Variants in RBMS1 observed in about 807,000 individuals in gnomAD.
RBMS1 encodes RNA binding motif single stranded interacting protein 1.
In RBMS1, 17 loss-of-function variants were observed where a neutral mutation model predicts 62.3. The ratio of observed to expected loss-of-function variants is 0.27; its 90% confidence interval spans 0.19 to 0.41. RBMS1 has a LOEUF of 0.41. Among genes scored for constraint, RBMS1 ranks in the 10% least tolerant of loss-of-function variants. The pLI is 1.00. For missense variants in RBMS1, 334 were observed against 504.5 expected, an observed-to-expected ratio of 0.66 and a Z score of 3.24; for synonymous variants, 172 against 170.0, an observed-to-expected ratio of 1.01 and a Z score of -0.09.
At chr2:160,308,423 A>G (rs1410652086) in intron 4 of RBMS1, among the ~76,000 whole-genome samples, 1 of 151,934 alleles carries the variant, frequency 6.6e-6, no homozygotes, top group African/African-American at 2.4e-5. Context: ...AAAACAAAAC[A>G]AAACAAAAAT....
At chr2:160,300,118 A>G (rs1439871940) in intron 6 of RBMS1, among the ~76,000 whole-genome samples, 1 of 152,222 alleles carries the variant, frequency 6.6e-6, no homozygotes, top group Non-Finnish European at 1.5e-5. Context: ...ATGAATAAAC[A>G]GTGAAAAGAG....
chr2:160,276,444 A>G (rs1014697723), intron 12 of RBMS1, among the ~76,000 whole-genome samples: 5 of 152,118 alleles, frequency 3.3e-5, no homozygotes, highest in Admixed American at 6.5e-5. Flanking sequence ...CCAGAGTCCT[A>G]TGATCCTTTC....
At chr2:160,486,701 AAGAGAT>A (rs1685615704) in intron 1 of RBMS1, among the ~76,000 whole-genome samples, 1 of 152,218 alleles carries the variant, frequency 6.6e-6, no homozygotes, top group South Asian at 2.1e-4. Flanking sequence ...TGACCAGATA[AAGAGAT>A]ATCCACTAAA....
chr2:160,448,751 G>A (rs1308033938), intron 1 of RBMS1, among the ~76,000 whole-genome samples: 5 of 152,054 alleles, frequency 3.3e-5, no homozygotes, highest in Non-Finnish European at 5.9e-5. Context: ...CTGCCTGGCC[G>A]CCCATCGTCT....
intron 2 of RBMS1, among the ~76,000 whole-genome samples, chr2:160,364,334 G>A (rs140647049): frequency 5.8e-4 from 88 of 152,292 alleles, no homozygotes; most frequent in Non-Finnish European, 9.8e-4. Flanking sequence ...AAGATTCCTC[G>A]TACGTGTTTC....
intron 1 of RBMS1, among the ~76,000 whole-genome samples, chr2:160,439,947 C>G (rs918337314): frequency 6.6e-6 from 1 of 151,864 alleles, no homozygotes; most frequent in Non-Finnish European, 1.5e-5. Flanking sequence ...CGCAGGCACT[C>G]GGCAAGCTGA....
chr2:160,346,804 T>C (rs570403511), intron 2 of RBMS1, among the ~76,000 whole-genome samples: 2 of 152,192 alleles, frequency 1.3e-5, no homozygotes, highest in South Asian at 2.1e-4. Flanking sequence ...CTAAACACTA[T>C]AGAGTTATGA....
At chr2:160,310,008 C>T (rs1689761153) in intron 4 of RBMS1, among the ~76,000 whole-genome samples, 2 of 152,168 alleles carry the variant, frequency 1.3e-5, no homozygotes, top group African/African-American at 2.4e-5. Flanking sequence ...GCATCACACA[C>T]ACTTAACATC....
chr2:160,432,439 C>G (rs1475613814), intron 1 of RBMS1: 2 of 152,196 alleles, frequency 1.3e-5, no homozygotes, highest in Admixed American at 6.5e-5. Context: ...CTGTTCTTCA[C>G]TCTTCCTTTT....
intron 6 of RBMS1, among the ~76,000 whole-genome samples, chr2:160,298,309 G>A (rs918977329): frequency 2.0e-5 from 3 of 152,052 alleles, no homozygotes; most frequent in Non-Finnish European, 2.9e-5. Flanking sequence ...TGGGAAGTGA[G>A]GTAAGGGGGA....
At chr2:160,394,206 A>T (rs1289081007) in intron 1 of RBMS1, among the ~76,000 whole-genome samples, 2 of 152,174 alleles carry the variant, frequency 1.3e-5, no homozygotes, top group Admixed American at 6.5e-5. Flanking sequence ...CTATTATAAC[A>T]AAGGATGATC....
intron 1 of RBMS1, among the ~76,000 whole-genome samples, chr2:160,413,255 T>G (rs527861201): frequency 4.6e-5 from 7 of 152,146 alleles, no homozygotes; most frequent in Non-Finnish European, 8.8e-5. Flanking sequence ...GGTTAGTATA[T>G]GCAGTTCACA....
At chr2:160,437,045 T>C (rs1464571372) in intron 1 of RBMS1, among the ~76,000 whole-genome samples, 2 of 152,152 alleles carry the variant, frequency 1.3e-5, no homozygotes, top group African/African-American at 4.8e-5. Context: ...GGGAATACTC[T>C]CCAAGGTAAA....
chr2:160,396,843 G>A (rs141053593), intron 1 of RBMS1, among the ~76,000 whole-genome samples: 9 of 152,264 alleles, frequency 5.9e-5, no homozygotes, highest in Admixed American at 3.9e-4. Flanking sequence ...GATTACAGGC[G>A]TGAGCCACCG....
intron 1 of RBMS1, among the ~76,000 whole-genome samples, chr2:160,423,913 C>T (rs1161101935): frequency 6.6e-6 from 1 of 152,102 alleles, no homozygotes; most frequent in South Asian, 2.1e-4. Flanking sequence ...AGGGTAAACT[C>T]GTCCAGAGCA....
At chr2:160,351,273 A>C (rs915278051) in intron 2 of RBMS1, among the ~76,000 whole-genome samples, 4 of 151,956 alleles carry the variant, frequency 2.6e-5, no homozygotes, top group African/African-American at 9.7e-5. Flanking sequence ...ACATATATAC[A>C]TATGTAACAA....
chr2:160,486,027 T>A (rs1273719415), intron 1 of RBMS1, among the ~76,000 whole-genome samples: 1 of 152,196 alleles, frequency 6.6e-6, no homozygotes, highest in East Asian at 1.9e-4. Context: ...AATATCAATA[T>A]AATTTACTTT....
chr2:160,323,865 G>A (rs1027387185), intron 2 of RBMS1, among the ~76,000 whole-genome samples: 2 of 152,148 alleles, frequency 1.3e-5, no homozygotes, highest in African/African-American at 4.8e-5. Flanking sequence ...TGGCCCAAGT[G>A]AGCTTGGCTA....
intron 1 of RBMS1, among the ~76,000 whole-genome samples, chr2:160,425,216 G>T (rs896029742): frequency 1.3e-5 from 2 of 152,138 alleles, no homozygotes; most frequent in African/African-American, 2.4e-5. Context: ...GTATACACTT[G>T]TTCAGTGCCT....
Sources: gnomAD v4.1 joint callset for allele counts (sites outside exome capture counted in the v4.1 genomes callset) on GRCh38, gnomAD v4.1.1 for gene constraint, MANE v1.5 for transcripts, NCBI Gene and HGNC (gene_info 2026-07-23, HGNC 2026-07-21) for gene names.